Variants in TRPC5 observed in about 807,000 individuals in gnomAD.
The protein encoded by TRPC5 is transient receptor potential cation channel subfamily C member 5.
TRPC5 carries 9 observed loss-of-function variants against 56.5 expected under a neutral mutation model. The ratio of observed to expected loss-of-function variants is 0.16; its 90% CI spans 0.10 to 0.28. The LOEUF (loss-of-function observed/expected upper bound fraction) is 0.28, where lower values mean the gene tolerates loss of function less well. Ranked by LOEUF, TRPC5 falls within the 10% of genes least tolerant of loss-of-function variation. The pLI, the probability that TRPC5 is intolerant of heterozygous loss-of-function variation, is 1.00. For missense variants in TRPC5, 469 were observed against 748.9 expected, an observed-to-expected ratio of 0.63 and a Z score of 4.36; for synonymous variants, 282 against 278.5, an observed-to-expected ratio of 1.01 and a Z score of -0.13.
intron 1 of TRPC5, among the ~76,000 whole-genome samples, chrX:112,002,873 T>C (rs1928733508): frequency 8.9e-6 from 1 of 112,290 alleles, no homozygotes; most frequent in Non-Finnish European, 1.9e-5. Flanking sequence ...TGACCAACCA[T>C]TGCATTCTAA....
intron 1 of TRPC5, among the ~76,000 whole-genome samples, chrX:112,007,466 C>T (rs772899708): frequency 4.5e-5 from 5 of 111,364 alleles, no homozygotes; most frequent in African/African-American, 1.6e-4. Flanking sequence ...GACAAGTAAG[C>T]TTTCCTTCAA....
At chrX:112,013,714 T>C (rs1400337728) in intron 1 of TRPC5, among the ~76,000 whole-genome samples, 2 of 111,735 alleles carry the variant, frequency 1.8e-5, no homozygotes, top group Non-Finnish European at 3.8e-5. Context: ...ACACCTGCCA[T>C]GTGCTAGATT....
chrX:111,791,478 G>A (rs1377303852), intron 7 of TRPC5, among the ~76,000 whole-genome samples: 6 of 111,978 alleles, frequency 5.4e-5, no homozygotes, highest in African/African-American at 1.3e-4. Flanking sequence ...CAAGTTGACC[G>A]TATTGAACTC....
chrX:111,899,398 AT>A (rs966478648), intron 3 of TRPC5, among the ~76,000 whole-genome samples: 3 of 111,640 alleles, frequency 2.7e-5, no homozygotes, highest in African/African-American at 6.5e-5. Context: ...ATTTATTCCA[AT>A]TTTTTTCCAG....
chrX:111,780,956 G>A (rs758944450), intron 9 of TRPC5, among the ~76,000 whole-genome samples: 2 of 111,305 alleles, frequency 1.8e-5, no homozygotes, highest in African/African-American at 3.3e-5. Flanking sequence ...TGATCAAGCC[G>A]AGGCAGTGCA....
chrX:111,782,057 G>T lies in TRPC5; in HGVS notation c.1978C>A (p.Pro660Thr). 1 of 1,211,264 alleles carries T rather than the reference G, an allele frequency of 8.3e-7. No homozygotes were observed. Among genetic ancestry groups the T allele is most frequent in the Non-Finnish European group, 1.1e-6 (1 of 895,015 alleles). Reference sequence around the variant, plus strand: ...TTGGGGCTGGGGATGATGTTGAAAGGAGGTGGCAAGGTGCCACCTTCATCA... The same window carrying T: ...TTGGGGCTGGGGATGATGTTGAAAGTAGGTGGCAAGGTGCCACCTTCATCA... ...YFDEGGTLPP[P>T]FNIIPSPKSF... Residue 660 changes from proline (P) to threonine (T), a missense_variant, in exon 8 of 11, where the codon CCT (proline) becomes ACT (threonine). Coordinates refer to ENST00000262839, the MANE Select transcript of TRPC5 (RefSeq NM_012471.3).
intron 2 of TRPC5, among the ~76,000 whole-genome samples, chrX:111,925,358 A>T (rs1431331855): frequency 8.9e-6 from 1 of 112,433 alleles, no homozygotes; most frequent in East Asian, 2.8e-4. Context: ...ATTTCAAAGA[A>T]GTGTGGTCCT....
intron 3 of TRPC5, among the ~76,000 whole-genome samples, chrX:111,879,704 A>G (rs1011367726): frequency 8.9e-6 from 1 of 112,754 alleles, no homozygotes; most frequent in Non-Finnish European, 1.9e-5. Context: ...TGTTGTCCCC[A>G]TGACAGCCCG....
intron 1 of TRPC5, among the ~76,000 whole-genome samples, chrX:112,061,047 G>A (rs73266349): frequency 0.19 from 21,193 of 111,623 alleles, 2,152 homozygotes; most frequent in African/African-American, 0.39. Flanking sequence ...TCTTTCCAAT[G>A]TTGGGGATAA....
intron 2 of TRPC5, 152 bp downstream of exon 2, chrX:111,951,891 G>T: frequency 2.4e-6 from 2 of 841,006 alleles, no homozygotes; most frequent in Non-Finnish European, 3.3e-6. Context: ...GGCCACGTAG[G>T]GTAGCTCCAG....
chrX:112,037,475 G>A (rs757490318), intron 1 of TRPC5, among the ~76,000 whole-genome samples: 3 of 111,411 alleles, frequency 2.7e-5, no homozygotes, highest in Non-Finnish European at 5.7e-5. Context: ...TTATTTATTG[G>A]GACATTCATA....
chrX:112,038,149 T>C (rs1204543578), intron 1 of TRPC5, among the ~76,000 whole-genome samples: 1 of 111,632 alleles, frequency 9.0e-6, no homozygotes, highest in Admixed American at 9.5e-5. Flanking sequence ...TCAGAACAAT[T>C]GAAATTTCAG....
intron 7 of TRPC5, among the ~76,000 whole-genome samples, chrX:111,794,257 G>T (rs1288001243): frequency 1.8e-5 from 2 of 111,627 alleles, no homozygotes; most frequent in African/African-American, 6.5e-5. Flanking sequence ...GGGGATATTT[G>T]TGTGAGTCTA....
rs1945833889 is a variant in TRPC5 at position 111,769,890 on chromosome X, T to TA, written c.*6422_*6423insT. On this transcript the variant is annotated 3_prime_UTR_variant, in exon 11 of 11. Coordinates refer to ENST00000262839, the MANE Select transcript of TRPC5 (RefSeq NM_012471.3). ...TTTCTAAATTCCTAAAAATTTAATC[T>TA]TATAGGATCATGATTTTCTACCATT... is the stretch of plus-strand genomic sequence containing the variant. Among the ~76,000 whole-genome samples the TA allele has an allele frequency of 8.9e-6, 1 of 111,900 alleles. No homozygotes were observed. The highest frequency in any genetic ancestry group is 1.9e-5 in the Non-Finnish European group (1 of 53,126).
chrX:112,064,849 C>T lies in TRPC5; in HGVS notation c.-22+17030G>A, dbSNP rs745736324. Among the ~76,000 whole-genome samples, 202 of 110,848 alleles carry T rather than the reference C, an allele frequency of 1.8e-3. 1 individual carries two copies. The highest frequency in any genetic ancestry group is 6.2e-3 in the African/African-American group (190 of 30,554). ...CAGCACTTTGGGAGGCTGAGGCGGG[C>T]GGATCACGAGGTCAGGAGATCGAGA... is the stretch of plus-strand genomic sequence containing the variant. On this transcript the variant is annotated intron_variant, in intron 1 of 10. Transcript: ENST00000262839.
In TRPC5 at chrX:111,912,815, A is replaced by T; in HGVS notation, c.379-3T>A. ...GTGTCCATCATCAGAGTGGGGACCT[A>T]GGTACAAGAAATGAGAAGAATAGAA... On this transcript the variant is annotated splice_region_variant and splice_polypyrimidine_tract_variant and intron_variant, in intron 2 of 10. Transcript: ENST00000262839. 1 of 1,192,310 alleles carries T rather than the reference A, an allele frequency of 8.4e-7. No homozygotes were observed. Among genetic ancestry groups the T allele is most frequent in the African/African-American group, 1.7e-5 (1 of 57,641 alleles).
intron 1 of TRPC5, among the ~76,000 whole-genome samples, chrX:112,041,535 C>A (rs1929891149): frequency 9.0e-6 from 1 of 111,297 alleles, no homozygotes; most frequent in South Asian, 3.8e-4. Context: ...AATAACTTGC[C>A]CAAGCTCACA....
Position 111,912,388 on chromosome X carries a change from A to G in TRPC5, c.803T>C (p.Ile268Thr), listed in dbSNP as rs766496616. ...QARSSRELEI[I>T]LNHRDDHSEE... ...ACTGTGGTCATCTCGATGGTTGAGGATGATCTCCAGTTCCCTGGAGCTCCG... is the reference window on the plus strand; with the variant it reads ...ACTGTGGTCATCTCGATGGTTGAGGGTGATCTCCAGTTCCCTGGAGCTCCG... The change falls in exon 3 of 11, where the codon ATC (isoleucine) becomes ACC (threonine). Residue 268 changes from isoleucine to threonine, a missense_variant. Ile to Thr is a moderately conservative substitution (Grantham distance 89). Transcript: ENST00000262839. 2 of 1,211,421 alleles carry G rather than the reference A, an allele frequency of 1.7e-6. No homozygotes were observed. The highest frequency in any genetic ancestry group is 2.2e-5 in the Admixed American group (1 of 45,994).
intron 1 of TRPC5, among the ~76,000 whole-genome samples, chrX:111,954,024 G>C (rs1927162947): frequency 8.9e-6 from 1 of 112,116 alleles, no homozygotes; most frequent in Admixed American, 9.4e-5. Context: ...AGAGGGTGCT[G>C]TTTCACTGCC....
Sources: allele counts gnomAD v4.1 joint callset (sites outside exome capture counted in the v4.1 genomes callset), GRCh38; gene constraint gnomAD v4.1.1; transcripts MANE v1.5; gene names NCBI Gene and HGNC (gene_info 2026-07-23, HGNC 2026-07-21).